Variants in ECH1 observed in about 807,000 individuals in gnomAD.
The protein encoded by ECH1 is enoyl-CoA hydratase 1.
A neutral mutation model predicts 37.0 loss-of-function variants in ECH1; 30 were observed. The observed-to-expected ratio is 0.81, with a 90% CI of 0.61 to 1.10. ECH1 has a LOEUF of 1.10. ECH1 is among the 50% of genes least tolerant of loss of function. ECH1 has a pLI of 0.00. For missense variants in ECH1, 456 were observed against 441.6 expected (o/e 1.03, Z -0.29); for synonymous variants, 178 against 176.0 (o/e 1.01, Z -0.09).
At chr19:38,829,815 GAA>G (rs796733541) in intron 3 of ECH1, among the ~76,000 whole-genome samples, 6 of 124,882 alleles carry the variant, frequency 4.8e-5, no homozygotes, top group African/African-American at 5.9e-5. Context: ...CTCTGTCTCA[GAA>G]AAAAAAAAAA....
chr19:38,821,805 C>T (rs900286024), intron 3 of ECH1, among the ~76,000 whole-genome samples: 3 of 152,216 alleles, frequency 2.0e-5, no homozygotes, highest in African/African-American at 4.8e-5. Context: ...CTGCACAGCC[C>T]GAGCCTCCCC....
chr19:38,816,847 T>C (rs1171250972), intron 6 of ECH1: 4 of 646,204 alleles, frequency 6.2e-6, no homozygotes, highest in East Asian at 5.5e-5. Flanking sequence ...CTCACCAGTA[T>C]GGCCCCAGGA....
chr19:38,831,382 C>G lies in ECH1; in HGVS notation c.187G>C (p.Ala63Pro). 6.2e-7 allele frequency: 1 copy of G among 1,614,010 alleles called. No homozygotes were observed. Among genetic ancestry groups the G allele is most frequent in the Non-Finnish European group, 8.5e-7 (1 of 1,179,994 alleles). ...TGGACATGCAGAACATGTTTCTGCG[C>G]AGACGTCACACGAAGGGACTCATAG... ...HSYESLRVTS[A>P]QKHVLHVQLN... The change falls in exon 2 of 10, where the codon GCG becomes CCG. Residue 63 changes from alanine (A) to proline (P), a missense_variant. Coordinates refer to ENST00000221418, the MANE Select transcript of ECH1 (RefSeq NM_001398.3).
At chr19:38,815,739 G>A in intron 9 of ECH1, 22 bp from the exon 10 acceptor site, 1 of 1,614,116 alleles carries the variant, frequency 6.2e-7, no homozygotes, top group South Asian at 1.1e-5. Flanking sequence ...GGTGTTGAGA[G>A]AGAACGAGGA....
intron 4 of ECH1, 40 bp downstream of exon 4, chr19:38,817,411 C>A (rs372935880): frequency 3.3e-5 from 53 of 1,609,782 alleles, no homozygotes; most frequent in Non-Finnish European, 3.9e-5. Flanking sequence ...CCAGGGGAGG[C>A]GCGTATGGAG....
intron 3 of ECH1, among the ~76,000 whole-genome samples, chr19:38,825,241 C>T (rs1027144471): frequency 2.6e-5 from 4 of 152,148 alleles, no homozygotes; most frequent in Non-Finnish European, 5.9e-5. Flanking sequence ...GTATGGATCC[C>T]CACTGGGACC....
chr19:38,824,051 A>G lies in ECH1; in HGVS notation c.350-6476T>C, dbSNP rs186859420. Among the ~76,000 whole-genome samples, 381 of 152,280 alleles carry G rather than the reference A, an allele frequency of 2.5e-3. 5 individuals carry two copies. The highest frequency in any genetic ancestry group is 8.8e-3 in the African/African-American group (366 of 41,552). On this transcript the variant is annotated intron_variant, in intron 3 of 9. Coordinates refer to ENST00000221418, the MANE Select transcript of ECH1 (RefSeq NM_001398.3). ...ACAAAGGTATTCCTGAAGCTAGGAT[A>G]TGGGGAGCCTCAGAAATTGTAGCTT...
chr19:38,818,901 C>CTGTGTGTGTGTGTGTG (rs761871749), intron 3 of ECH1, among the ~76,000 whole-genome samples: 22 of 133,598 alleles, frequency 1.6e-4, no homozygotes, highest in Non-Finnish European at 2.7e-4. Context: ...GCCTCCAACT[C>CTGTGTGTGTGTGTGTG]TGTGTGTGTG....
chr19:38,815,442 T>G lies in ECH1; in HGVS notation c.*171A>C. 1.6e-6 allele frequency: 1 copy of G among 636,542 alleles called. No individual in the cohort carries two copies. Among genetic ancestry groups the G allele is most frequent in the Non-Finnish European group, 2.7e-6 (1 of 369,544 alleles). 39.4% of individuals were successfully genotyped at this position (636,542 alleles called of 1,614,324 possible). A position where few individuals can be genotyped will look rare whatever the true frequency, so the allele number is the denominator to read the frequency against. The stretch of plus-strand genomic sequence containing the variant: ...CCAGGTTCTTTACTTTGCTTTATTG[T>G]TTGTGGGGTGAAGATAAGGCCTTGG... On this transcript the variant is annotated 3_prime_UTR_variant, in exon 10 of 10. Coordinates refer to ENST00000221418, the MANE Select transcript of ECH1 (RefSeq NM_001398.3).
chr19:38,831,625 CG>C (rs1321778431), intron 1 of ECH1, 95 bp downstream of exon 1: 1 of 1,573,256 alleles, frequency 6.4e-7, no homozygotes, highest in Non-Finnish European at 8.7e-7. Context: ...TTAGGGGACT[CG>C]GGCCCTTCGT....
rs374648175 is a variant in ECH1, at chr19:38,815,875, G to A, written c.864C>T (p.Ala288=). The A allele has an allele frequency of 6.8e-6, 11 of 1,614,172 alleles. No homozygotes were observed. The highest frequency in any genetic ancestry group is 1.6e-4 in the Middle Eastern group (1 of 6,062). ...ACCTTACCACGTAGTTGAGGCTCTC[G>A]GCCACCGAATGGTCGCGGGAATACA... is the stretch of plus-strand genomic sequence containing the variant. ...NLLYSRDHSV[A]ESLNYVASWN... The change falls in exon 9 of 10, where the codon GCC becomes GCT. Residue 288 remains alanine, a synonymous_variant. Coordinates refer to ENST00000221418, the MANE Select transcript of ECH1 (RefSeq NM_001398.3).
chr19:38,822,869 A>G (rs1375925903), intron 3 of ECH1: 1 of 152,632 alleles, frequency 6.6e-6, no homozygotes, highest in Non-Finnish European at 1.5e-5. Flanking sequence ...CTTCCATGCT[A>G]TGGAAGCTCT....
chr19:38,827,980 T>A (rs1293748291), intron 3 of ECH1, among the ~76,000 whole-genome samples: 4 of 151,840 alleles, frequency 2.6e-5, no homozygotes, highest in African/African-American at 7.3e-5. Context: ...GGAGGCCGAG[T>A]CAGGAGGATC....
chr19:38,825,473 A>G (rs1004016772), intron 3 of ECH1, among the ~76,000 whole-genome samples: 3 of 152,236 alleles, frequency 2.0e-5, no homozygotes, highest in Admixed American at 2.0e-4. Context: ...ATTCTAAAAG[A>G]TAAGTTTATT....
chr19:38,816,207 C>A, intron 8 of ECH1, 77 bp downstream of exon 8: 29 of 1,566,466 alleles, frequency 1.9e-5, no homozygotes, highest in Non-Finnish European at 2.3e-5. Context: ...AGCGAGGAGA[C>A]AAGGGGACCC....
chr19:38,822,713 C>A (rs1971681531), intron 3 of ECH1, among the ~76,000 whole-genome samples: 1 of 152,172 alleles, frequency 6.6e-6, no homozygotes, highest in South Asian at 2.1e-4. Flanking sequence ...CCAGTCAGCA[C>A]CCTGTCAAAA....
At chr19:38,820,942 G>A (rs1040158782) in intron 3 of ECH1, among the ~76,000 whole-genome samples, 31 of 152,212 alleles carry the variant, frequency 2.0e-4, no homozygotes, top group African/African-American at 7.5e-4. Flanking sequence ...TTTGTCAAAT[G>A]AATGAACAAA....
chr19:38,825,852 C>A (rs906227233), intron 3 of ECH1, among the ~76,000 whole-genome samples: 5 of 152,244 alleles, frequency 3.3e-5, no homozygotes, highest in African/African-American at 9.6e-5. Context: ...GACGAAGGTT[C>A]CCTAGGTCAG....
intron 9 of ECH1, 69 bp downstream of exon 9, chr19:38,815,788 G>A (rs1182380262): frequency 2.1e-5 from 34 of 1,612,726 alleles, no homozygotes; most frequent in Non-Finnish European, 2.5e-5. Flanking sequence ...AAGCATGAGA[G>A]CACCCTGCAC....
Sources: gnomAD v4.1 joint callset for allele counts (sites outside exome capture counted in the v4.1 genomes callset) on GRCh38, gnomAD v4.1.1 for gene constraint, MANE v1.5 for transcripts, NCBI Gene and HGNC (gene_info 2026-07-23, HGNC 2026-07-21) for gene names.